ARHGAP6: variants seen among roughly 807,000 people sequenced by gnomAD.
The protein encoded by ARHGAP6 is rho GTPase-activating protein 6.
ARHGAP6 carries 16 observed loss-of-function variants against 55.7 expected under a neutral mutation model. The observed-to-expected ratio is 0.29, with a 90% CI of 0.19 to 0.44. The LOEUF is 0.44. Among genes scored for constraint, ARHGAP6 ranks in the 20% least tolerant of loss-of-function variants. ARHGAP6 has a pLI of 1.00. For synonymous variants in ARHGAP6, 382 were observed against 360.9 expected (o/e 1.06, Z -0.66); for missense variants, 698 against 808.9 (o/e 0.86, Z 1.66).
At chrX:11,271,498 C>G (rs1427985809) in intron 1 of ARHGAP6, among the ~76,000 whole-genome samples, 5 of 107,115 alleles carry the variant, frequency 4.7e-5, no homozygotes, top group African/African-American at 1.7e-4. Flanking sequence ...GGGTTCTTCT[C>G]TAATGAGAAA....
intron 1 of ARHGAP6, among the ~76,000 whole-genome samples, chrX:11,340,208 A>G (rs765512546): frequency 8.9e-6 from 1 of 111,882 alleles, no homozygotes; most frequent in South Asian, 3.8e-4. Flanking sequence ...CTGCAATGCA[A>G]TGAAGTACAT....
chrX:11,266,198 T>C (rs2047625817), intron 1 of ARHGAP6, among the ~76,000 whole-genome samples: 1 of 109,545 alleles, frequency 9.1e-6, no homozygotes, highest in Non-Finnish European at 1.9e-5. Context: ...AAAGGATTCC[T>C]CTAAAAAAAA....
At chrX:11,496,028 G>A (rs2050618729) in intron 1 of ARHGAP6, among the ~76,000 whole-genome samples, 1 of 111,861 alleles carries the variant, frequency 8.9e-6, no homozygotes, top group African/African-American at 3.2e-5. Flanking sequence ...TGGTAAATAG[G>A]GCCTTCCTTC....
chrX:11,596,344 T>C (rs1440108089), intron 1 of ARHGAP6, among the ~76,000 whole-genome samples: 1 of 111,407 alleles, frequency 9.0e-6, no homozygotes, highest in Non-Finnish European at 1.9e-5. Context: ...ACATCGCATG[T>C]TGTCACTCAT....
At chrX:11,244,434 C>T (rs2047326610) in intron 2 of ARHGAP6, among the ~76,000 whole-genome samples, 1 of 111,757 alleles carries the variant, frequency 8.9e-6, no homozygotes, top group Non-Finnish European at 1.9e-5. Context: ...AAGTGAAAAC[C>T]TGTTAAACTA....
At chrX:11,379,068 C>T (rs2049234172) in intron 1 of ARHGAP6, among the ~76,000 whole-genome samples, 1 of 112,528 alleles carries the variant, frequency 8.9e-6, no homozygotes, top group African/African-American at 3.2e-5. Context: ...CATGCATCTG[C>T]AGGGGGCTGT....
intron 1 of ARHGAP6, among the ~76,000 whole-genome samples, chrX:11,452,397 C>A (rs1237895986): frequency 8.9e-6 from 1 of 111,733 alleles, no homozygotes; most frequent in Non-Finnish European, 1.9e-5. Flanking sequence ...ATCCGCCCAC[C>A]TCAGCCTCCC....
intron 1 of ARHGAP6, among the ~76,000 whole-genome samples, chrX:11,590,869 G>GAAGGAAAGAAAGAAAGAAA (rs2051813205): frequency 3.3e-4 from 8 of 24,219 alleles, no homozygotes; most frequent in East Asian, 1.8e-3. Context: ...AAGAAAAGAA[G>GAAGGAAAGAAAGAAAGAAA]GAAAGAAAGA....
At chrX:11,153,512 G>A (rs1019206978) in intron 10 of ARHGAP6, among the ~76,000 whole-genome samples, 11 of 77,570 alleles carry the variant, frequency 1.4e-4, no homozygotes, top group Admixed American at 5.2e-4. Context: ...GTGACAGAGC[G>A]AGACTCGATC....
chrX:11,169,810 CT>C (rs1170332754), intron 8 of ARHGAP6, 126 bp from the exon 9 acceptor site: 1 of 484,734 alleles, frequency 2.1e-6, no homozygotes, highest in African/African-American at 2.5e-5. Flanking sequence ...GCCATCCTCT[CT>C]GTCAGAATCC....
intron 1 of ARHGAP6, among the ~76,000 whole-genome samples, chrX:11,281,377 T>A (rs1281644458): frequency 9.0e-6 from 1 of 110,692 alleles, no homozygotes; most frequent in Non-Finnish European, 1.9e-5. Context: ...TAAACTTATG[T>A]GCACTTCTCT....
intron 1 of ARHGAP6, among the ~76,000 whole-genome samples, chrX:11,583,899 T>G (rs1031748880): frequency 1.8e-5 from 2 of 112,184 alleles, no homozygotes; most frequent in East Asian, 5.5e-4. Context: ...TTATCTTGCT[T>G]AAGTTAAAAA....
At chrX:11,362,171 C>G (rs918314857) in intron 1 of ARHGAP6, among the ~76,000 whole-genome samples, 6 of 111,662 alleles carry the variant, frequency 5.4e-5, no homozygotes, top group Admixed American at 1.9e-4. Flanking sequence ...ACCCAAAGGA[C>G]TATAAATCAT....
intron 1 of ARHGAP6, among the ~76,000 whole-genome samples, chrX:11,327,496 T>A (rs1222021539): frequency 8.9e-6 from 1 of 112,172 alleles, no homozygotes. Flanking sequence ...TCAAATAATT[T>A]TGGAATGTTG....
At chrX:11,266,928 G>A (rs760098299) in intron 1 of ARHGAP6, among the ~76,000 whole-genome samples, 3 of 111,835 alleles carry the variant, frequency 2.7e-5, no homozygotes, top group African/African-American at 9.7e-5. Flanking sequence ...TGCTGCTGCT[G>A]CTAAGGAAGG....
chrX:11,505,597 C>T (rs979020596), intron 1 of ARHGAP6, among the ~76,000 whole-genome samples: 31 of 111,173 alleles, frequency 2.8e-4, no homozygotes, highest in African/African-American at 9.5e-4. Flanking sequence ...GACCCATGCA[C>T]GTGAATGTTC....
intron 1 of ARHGAP6, among the ~76,000 whole-genome samples, chrX:11,281,608 T>C (rs1442270553): frequency 9.0e-6 from 1 of 111,234 alleles, no homozygotes; most frequent in Admixed American, 9.6e-5. Context: ...TTTGGAAAGA[T>C]ATCCACTATA....
chrX:11,619,847 C>G (rs1331546329), intron 1 of ARHGAP6, among the ~76,000 whole-genome samples: 6 of 111,695 alleles, frequency 5.4e-5, no homozygotes, highest in Non-Finnish European at 1.9e-5. Flanking sequence ...AGGGAAAGGG[C>G]TGGGGTAGGT....
intron 2 of ARHGAP6, among the ~76,000 whole-genome samples, chrX:11,247,076 T>C (rs1047504918): frequency 4.5e-5 from 5 of 111,968 alleles, no homozygotes; most frequent in African/African-American, 6.5e-5. Context: ...CCTTATTTCA[T>C]TGAGTTGTGT....
Sources: gnomAD v4.1 joint callset for allele counts (sites outside exome capture counted in the v4.1 genomes callset) on GRCh38, gnomAD v4.1.1 for gene constraint, MANE v1.5 for transcripts, NCBI Gene and HGNC (gene_info 2026-07-23, HGNC 2026-07-21) for gene names.